The following CCDC88A variants were observed in gnomAD, a reference collection of about 807,000 sequenced individuals.
CCDC88A encodes the protein coiled-coil and HOOK domain protein 88A, also known as girdin.
CCDC88A carries 54 observed loss-of-function variants against 234.3 expected under a neutral mutation model. The observed-to-expected ratio is 0.23, with a 90% confidence interval of 0.19 to 0.29. The LOEUF (loss-of-function observed/expected upper bound fraction) is 0.29. CCDC88A is among the 10% of genes least tolerant of loss of function. The pLI, the probability that CCDC88A is intolerant of heterozygous loss-of-function variation, is 1.00. For missense variants in CCDC88A, 1,832 were observed against 2,123.4 expected (o/e 0.86, Z 2.70); for synonymous variants, 753 against 737.8 (o/e 1.02, Z -0.33).
At chr2:55,292,267 A>T (rs575121067) in intron 31 of CCDC88A, 7 of 152,418 alleles carry the variant, frequency 4.6e-5, no homozygotes, top group African/African-American at 1.7e-4. Context: ...AAGCTAGGCC[A>T]GGAATACTGA....
chr2:55,299,278 T>C (rs778585600), intron 29 of CCDC88A, among the ~76,000 whole-genome samples: 6 of 152,188 alleles, frequency 3.9e-5, no homozygotes, highest in Non-Finnish European at 7.3e-5. Flanking sequence ...AGTCAAGGTT[T>C]CCAGACATTT....
chr2:55,294,510 A>G (rs1211014919), intron 31 of CCDC88A: 14 of 959,500 alleles, frequency 1.5e-5, no homozygotes, highest in Non-Finnish European at 1.7e-5. Context: ...TTTCTTTAAA[A>G]CAGGACAGAT....
In CCDC88A at chr2:55,334,709, T is replaced by A. The variant is rs1295946739; in HGVS notation, c.2112A>T (p.Leu704Phe). The change falls in exon 15 of 33, where the codon TTA becomes TTT. Residue 704 changes from leucine to phenylalanine, a missense_variant. By Grantham distance (22) the Leu-to-Phe change is conservative. This residue lies in a region of CCDC88A where 1,282 missense variants were observed against 1,543.6 expected (regional missense o/e 0.83). Coordinates refer to ENST00000436346, the MANE Select transcript of CCDC88A (RefSeq NM_001365480.1). The surrounding 1 kb of genome is among the most constrained non-coding windows in gnomAD (Gnocchi z 6.1). Reference protein sequence around the residue: ...KENSQLDEENLELRRNVESLK... With the variant: ...KENSQLDEENFELRRNVESLK... ...AAGATTCTACATTCCTTCGCAGTTC[T>A]AAGTTTTCCTCATCAAGTTGGGAAT... 2.5e-5 allele frequency: 41 copies of A among 1,613,222 alleles called. No homozygotes were observed. Among genetic ancestry groups the A allele is most frequent in the Non-Finnish European group, 3.3e-5 (39 of 1,179,642 alleles).
At chr2:55,416,303 C>CG (rs1434906479) in intron 2 of CCDC88A, among the ~76,000 whole-genome samples, 2 of 149,950 alleles carry the variant, frequency 1.3e-5, no homozygotes, top group African/African-American at 4.9e-5. Context: ...GACATCACAA[C>CG]AGACTATCCA....
At chr2:55,393,212 G>T (rs1460467727) in intron 2 of CCDC88A, among the ~76,000 whole-genome samples, 16 of 146,342 alleles carry the variant, frequency 1.1e-4, no homozygotes, top group East Asian at 4.0e-4. Flanking sequence ...TTTGTGAAAT[G>T]GATTTTTTTT....
chr2:55,295,768 T>C lies in CCDC88A; in HGVS notation c.5380A>G (p.Lys1794Glu). The C allele has an allele frequency of 6.2e-7, 1 of 1,614,254 alleles. No homozygotes were observed. Among genetic ancestry groups the C allele is most frequent in the Non-Finnish European group, 8.5e-7 (1 of 1,180,042 alleles). ...VKESSLSRQSKDSNPYATLPR... is the reference protein window; with the variant it reads ...VKESSLSRQSEDSNPYATLPR... Reference sequence around the variant, plus strand: ...AAAGTTGCATAAGGGTTACTATCTTTTGATTGTCGTGACAGAGAAGATTCT... The same window carrying C: ...AAAGTTGCATAAGGGTTACTATCTTCTGATTGTCGTGACAGAGAAGATTCT... The change falls in exon 31 of 33, where the codon AAA (lysine) becomes GAA (glutamate). Residue 1794 changes from lysine to glutamate, a missense_variant. By Grantham distance (56) the Lys-to-Glu change is moderately conservative (BLOSUM62 1). This residue lies in a region of CCDC88A where 422 missense variants were observed against 416.5 expected (regional missense o/e 1.01). Coordinates refer to ENST00000436346, the MANE Select transcript of CCDC88A (RefSeq NM_001365480.1).
At position 55,332,439 on chromosome 2, in the gene CCDC88A, G is replaced by A. The variant is rs1574144475; in HGVS notation, c.2855+127C>T. On this transcript the variant is annotated intron_variant, in intron 16 of 32. Transcript: ENST00000436346. This position sits in a 1 kb window ranked among gnomAD's most constrained non-coding sequence, Gnocchi z 4.5. ...ACCCGGCTACAGAACTTTCCTTAAGGGAAGGAAGGAACCAGAAATAGGGTG... is the reference window on the plus strand; with the variant it reads ...ACCCGGCTACAGAACTTTCCTTAAGAGAAGGAAGGAACCAGAAATAGGGTG... 7.3e-7 allele frequency: 1 copy of A among 1,379,096 alleles called. No individual in the cohort carries two copies. The highest frequency in any genetic ancestry group is 2.7e-5 in the East Asian group (1 of 36,806). 85.4% of individuals were successfully genotyped at this position (1,379,096 alleles called of 1,614,324 possible).
chr2:55,317,536 C>A lies in CCDC88A; in HGVS notation c.3602+28G>T. 6.9e-7 allele frequency: 1 copy of A among 1,453,644 alleles called. No individual in the cohort carries two copies. The highest frequency in any genetic ancestry group is 9.2e-7 in the Non-Finnish European group (1 of 1,089,726). 90.0% of individuals were successfully genotyped at this position (1,453,644 alleles called of 1,614,324 possible). A position where few individuals can be genotyped will look rare whatever the true frequency, so the allele number is the denominator to read the frequency against. ...ACTTGAAGAAAATTCATTTTAAATT[C>A]ACAGTACAACAAAATATAATAAATT... On this transcript the variant is annotated intron_variant, in intron 20 of 32. Coordinates refer to ENST00000436346, the MANE Select transcript of CCDC88A (RefSeq NM_001365480.1). The surrounding 1 kb of genome is among the most constrained non-coding windows in gnomAD (Gnocchi z 4.2).
chr2:55,357,568 AG>A (rs1225281443), intron 7 of CCDC88A, among the ~76,000 whole-genome samples: 1 of 152,134 alleles, frequency 6.6e-6, no homozygotes, highest in Non-Finnish European at 1.5e-5. Context: ...CAAACTTCTC[AG>A]GCAAATAAAC....
rs376551012 is a variant in CCDC88A at position 55,289,024 on chromosome 2, T to G, written c.*2176A>C. On this transcript the variant is annotated 3_prime_UTR_variant, in exon 33 of 33. Transcript: ENST00000436346. ...ATTATTCATATTTTTGTAGTCTCAA[T>G]GTGTTCCCTTGGTTGTCTCTTTAAT... is the stretch of plus-strand genomic sequence containing the variant. The G allele has an allele frequency of 6.5e-6, 1 of 152,752 alleles. No individual in the cohort carries two copies. The highest frequency in any genetic ancestry group is 1.9e-4 in the East Asian group (1 of 5,194). The allele number at this position is 152,752 out of a possible 1,614,324, so 9.5% of individuals were successfully genotyped here. A position where few individuals can be genotyped will look rare whatever the true frequency, so the allele number is the denominator to read the frequency against.
chr2:55,366,015 G>A (rs910534983), intron 5 of CCDC88A, among the ~76,000 whole-genome samples: 1 of 152,154 alleles, frequency 6.6e-6, no homozygotes, highest in Non-Finnish European at 1.5e-5. Context: ...GCCAGCTCCA[G>A]AGCATGAGAA....
chr2:55,417,407 A>G lies in CCDC88A; in HGVS notation c.164+1409T>C, dbSNP rs569570972. The stretch of plus-strand genomic sequence containing the variant: ...CCCTTTCTGTCATGTAGGTTCCCCA[A>G]AAGAGAAGTCAGTTTATTATCCTAC... On this transcript the variant is annotated intron_variant, in intron 2 of 32. Transcript: ENST00000436346. 5 of 152,156 alleles carry G rather than the reference A, an allele frequency of 3.3e-5. No individual in the cohort carries two copies. In the South Asian group the frequency reaches 1.0e-3, roughly 32 times the overall value. The allele number at this position is 152,156 out of a possible 1,614,324, so 9.4% of individuals were successfully genotyped here.
Position 55,323,611 on chromosome 2 carries a change from T to C in CCDC88A, c.2998-919A>G, listed in dbSNP as rs557108730. 6 of 152,336 alleles carry C rather than the reference T, an allele frequency of 3.9e-5. No individual in the cohort carries two copies. The East Asian group carries it at 1.2e-3, about 29-fold the overall frequency. 9.4% of individuals were successfully genotyped at this position (152,336 alleles called of 1,614,324 possible). A position where few individuals can be genotyped will look rare whatever the true frequency, so the allele number is the denominator to read the frequency against. On this transcript the variant is annotated intron_variant, in intron 17 of 32. Transcript: ENST00000436346. ...AGTGGCATCATTTCTAGTCTCTATTTTACATGAATTTCCCATGAGGTCCTT... is the reference window on the plus strand; with the variant it reads ...AGTGGCATCATTTCTAGTCTCTATTCTACATGAATTTCCCATGAGGTCCTT...
chr2:55,315,918 T>G lies in CCDC88A; in HGVS notation c.3933+10A>C, dbSNP rs1682931926. 1 of 1,470,256 alleles carries G rather than the reference T, an allele frequency of 6.8e-7. No individual in the cohort carries two copies. The highest frequency in any genetic ancestry group is 1.5e-5 in the South Asian group (1 of 67,540). 91.1% of individuals were successfully genotyped at this position (1,470,256 alleles called of 1,614,324 possible). On this transcript the variant is annotated intron_variant, in intron 22 of 32. Transcript: ENST00000436346. ...ATGAAGGACACAGTGATTAAACTTT[T>G]TAAGCTCACCTCACACTGGTTATTC...
At chr2:55,390,495 G>A (rs1466629871) in intron 2 of CCDC88A, among the ~76,000 whole-genome samples, 1 of 152,186 alleles carries the variant, frequency 6.6e-6, no homozygotes, top group Non-Finnish European at 1.5e-5. Context: ...GACTAGTTGA[G>A]AAAATAATGC....
chr2:55,302,836 G>A (rs1049045969), intron 26 of CCDC88A: 6 of 264,342 alleles, frequency 2.3e-5, no homozygotes, highest in Admixed American at 9.8e-5. Context: ...GGAAATTTAC[G>A]AGTAAGTTAC....
At chr2:55,301,509 C>G (rs1680897823) in intron 27 of CCDC88A, 1 of 511,972 alleles carries the variant, frequency 2.0e-6, no homozygotes, top group Non-Finnish European at 3.4e-6. Flanking sequence ...AATCTCCCCT[C>G]TGACCCTGCA....
At chr2:55,310,594 T>C (rs1036465302) in intron 23 of CCDC88A, among the ~76,000 whole-genome samples, 1 of 150,952 alleles carries the variant, frequency 6.6e-6, no homozygotes, top group Non-Finnish European at 1.5e-5. Context: ...AAAAAAAAGA[T>C]TGGAGATAAG....
At chr2:55,406,336 G>A (rs369114175) in intron 2 of CCDC88A, among the ~76,000 whole-genome samples, 17 of 152,230 alleles carry the variant, frequency 1.1e-4, no homozygotes, top group Admixed American at 4.6e-4. Flanking sequence ...AAGTTAACTG[G>A]GATATTACTA....
Sources: gnomAD v4.1 joint callset for allele counts (sites outside exome capture counted in the v4.1 genomes callset) on GRCh38, gnomAD v4.1.1 for gene constraint, gnomAD v4.1.1 regional missense constraint, Gnocchi (gnomAD v3.1) non-coding constraint, MANE v1.5 for transcripts, NCBI Gene and HGNC (gene_info 2026-07-23, HGNC 2026-07-21) for gene names.